The following GRK5 variants were observed in gnomAD, a reference collection of about 807,000 sequenced individuals.
GRK5 encodes the protein g protein-coupled receptor kinase GRK5.
In GRK5, 40 loss-of-function variants were observed where a neutral mutation model predicts 78.4. That is an observed-to-expected ratio of 0.51 (90% confidence interval 0.40 to 0.66). GRK5 has a LOEUF of 0.66. GRK5 is among the 30% of genes least tolerant of loss of function. The pLI is 0.00. For missense variants in GRK5, 598 were observed against 759.9 expected (o/e 0.79, Z 2.50); for synonymous variants, 289 against 296.8 (o/e 0.97, Z 0.27).
intron 4 of GRK5, among the ~76,000 whole-genome samples, chr10:119,420,477 TTATAA>T (rs1852549739): frequency 6.6e-6 from 1 of 152,006 alleles, no homozygotes; most frequent in Admixed American, 6.5e-5. Context: ...ATATTATACC[TTATAA>T]TATATCATTT....
At chr10:119,229,339 T>C (rs1848789258) in intron 1 of GRK5, among the ~76,000 whole-genome samples, 1 of 152,092 alleles carries the variant, frequency 6.6e-6, no homozygotes, top group Non-Finnish European at 1.5e-5. Context: ...AAATGACGGT[T>C]GGTGGAAGGT....
intron 1 of GRK5, among the ~76,000 whole-genome samples, chr10:119,215,146 A>C (rs912714525): frequency 6.6e-6 from 1 of 152,256 alleles, no homozygotes; most frequent in African/African-American, 2.4e-5. Flanking sequence ...CGTAGTAGCC[A>C]CTAGCTGTAT....
At chr10:119,261,347 C>A (rs1404005076) in intron 1 of GRK5, among the ~76,000 whole-genome samples, 1 of 146,950 alleles carries the variant, frequency 6.8e-6, no homozygotes, top group Non-Finnish European at 1.5e-5. Flanking sequence ...GGATGGCGGC[C>A]GGGAAGAGGC....
chr10:119,263,462 A>G (rs1293823360), intron 1 of GRK5, among the ~76,000 whole-genome samples: 2 of 152,232 alleles, frequency 1.3e-5, no homozygotes, highest in Non-Finnish European at 2.9e-5. Flanking sequence ...ATCTTCCAGA[A>G]TACAGTTATA....
At chr10:119,369,567 G>C (rs1321337186) in intron 2 of GRK5, among the ~76,000 whole-genome samples, 1 of 152,220 alleles carries the variant, frequency 6.6e-6, no homozygotes, top group Non-Finnish European at 1.5e-5. Flanking sequence ...TTTTAGGAGA[G>C]CTGTTTTCCC....
intron 2 of GRK5, among the ~76,000 whole-genome samples, chr10:119,371,298 G>A (rs1481189436): frequency 6.6e-6 from 1 of 152,210 alleles, no homozygotes; most frequent in African/African-American, 2.4e-5. Flanking sequence ...GTGGCCATCC[G>A]AGGGAAGCTG....
chr10:119,314,879 G>C (rs2133746714), intron 1 of GRK5, among the ~76,000 whole-genome samples: 1 of 152,318 alleles, frequency 6.6e-6, no homozygotes, highest in African/African-American at 2.4e-5. Context: ...GTGCAGAAAG[G>C]CTGTGTAGAG....
At chr10:119,262,253 G>T (rs1332937550) in intron 1 of GRK5, among the ~76,000 whole-genome samples, 1 of 151,052 alleles carries the variant, frequency 6.6e-6, no homozygotes, top group Non-Finnish European at 1.5e-5. Context: ...AGCAGCCTAA[G>T]TGTGAGTTTC....
intron 1 of GRK5, among the ~76,000 whole-genome samples, chr10:119,265,875 C>G (rs1225777526): frequency 6.6e-6 from 1 of 152,234 alleles, no homozygotes; most frequent in Non-Finnish European, 1.5e-5. Flanking sequence ...TCTATGGCTG[C>G]TCAGGAGTGG....
intron 1 of GRK5, among the ~76,000 whole-genome samples, chr10:119,262,935 T>C (rs1849435327): frequency 6.6e-6 from 1 of 152,216 alleles, no homozygotes; most frequent in African/African-American, 2.4e-5. Flanking sequence ...TATTAATAGA[T>C]ACAGCTGAGG....
chr10:119,313,009 C>CTGT (rs1564886922), intron 1 of GRK5, among the ~76,000 whole-genome samples: 1 of 5,706 alleles, frequency 1.8e-4, no homozygotes, highest in Non-Finnish European at 4.7e-4. Context: ...GTGGTCGTGA[C>CTGT]GGTGATGGTA....
intron 1 of GRK5, among the ~76,000 whole-genome samples, chr10:119,261,038 AC>A (rs59081445): frequency 0.13 from 843 of 6,262 alleles, 10 homozygotes; most frequent in Admixed American, 0.29. Flanking sequence ...CAGGGGGCTG[AC>A]CCCCCCACCT....
intron 1 of GRK5, among the ~76,000 whole-genome samples, chr10:119,265,908 C>T (rs1010616741): frequency 3.9e-5 from 6 of 152,148 alleles, no homozygotes; most frequent in African/African-American, 4.8e-5. Context: ...GGCTGAAGTC[C>T]GGGCCCTGGG....
At chr10:119,214,392 C>T (rs532422052) in intron 1 of GRK5, among the ~76,000 whole-genome samples, 1 of 152,306 alleles carries the variant, frequency 6.6e-6, no homozygotes, top group South Asian at 2.1e-4. Flanking sequence ...ATTGACTCTA[C>T]TGTGCCTAGA....
At chr10:119,282,913 G>T (rs1277427131) in intron 1 of GRK5, among the ~76,000 whole-genome samples, 1 of 152,222 alleles carries the variant, frequency 6.6e-6, no homozygotes. Context: ...AGTTGATGCT[G>T]TGGAGTTCTC....
intron 4 of GRK5, among the ~76,000 whole-genome samples, chr10:119,414,082 G>A (rs1852398582): frequency 6.6e-6 from 1 of 152,190 alleles, no homozygotes. Flanking sequence ...TTGTGTGGAA[G>A]GAAGGGGACC....
chr10:119,407,119 G>C (rs746768078), intron 4 of GRK5, among the ~76,000 whole-genome samples: 62 of 152,230 alleles, frequency 4.1e-4, no homozygotes, highest in Non-Finnish European at 7.6e-4. Context: ...AAAGCTGGGG[G>C]CTGGACTTCT....
chr10:119,406,915 A>G lies in GRK5; in HGVS notation c.339+10143A>G, dbSNP rs534619790. ...TGGGACAGCTAGCATTTATTGAGCT[A>G]CTACTGTAGCCTAGAACTTCATATT... On this transcript the variant is annotated intron_variant, in intron 4 of 15. Transcript: ENST00000392870. Among the ~76,000 whole-genome samples, 15 of 152,346 alleles carry G rather than the reference A, an allele frequency of 9.8e-5. No individual in the cohort carries two copies. In the East Asian group the frequency reaches 2.3e-3, roughly 23 times the overall value.
intron 1 of GRK5, among the ~76,000 whole-genome samples, chr10:119,291,953 T>C (rs1443661576): frequency 1.4e-3 from 100 of 73,520 alleles, no homozygotes; most frequent in Non-Finnish European, 2.0e-3. Flanking sequence ...TTTTCCTCCT[T>C]CTCCTCCTCT....
Sources: gnomAD v4.1 joint callset for allele counts (sites outside exome capture counted in the v4.1 genomes callset) on GRCh38, gnomAD v4.1.1 for gene constraint, MANE v1.5 for transcripts, NCBI Gene and HGNC (gene_info 2026-07-23, HGNC 2026-07-21) for gene names.